Variants in DACH2 observed in about 807,000 individuals in gnomAD.
DACH2 encodes dachshund homolog 2.
Under a neutral mutation model 35.8 loss-of-function variants are expected in DACH2, and 17 were observed. The ratio of observed to expected loss-of-function variants is 0.48; its 90% CI spans 0.33 to 0.71. DACH2 has a LOEUF of 0.71. Ranked by LOEUF, DACH2 falls within the 30% of genes least tolerant of loss-of-function variation. DACH2 has a pLI of 0.02. For missense variants in DACH2, 469 were observed against 472.7 expected, an observed-to-expected ratio of 0.99 and a Z score of 0.07; for synonymous variants, 195 against 177.3, an observed-to-expected ratio of 1.10 and a Z score of -0.79.
chrX:86,403,715 A>G (rs1447275414), intron 2 of DACH2, among the ~76,000 whole-genome samples: 2 of 111,928 alleles, frequency 1.8e-5, no homozygotes, highest in African/African-American at 3.3e-5. Context: ...AAAATAAATC[A>G]TTCTGCCAGA....
intron 3 of DACH2, among the ~76,000 whole-genome samples, chrX:86,562,613 G>A (rs1367275459): frequency 9.0e-6 from 1 of 111,328 alleles, no homozygotes; most frequent in Admixed American, 9.6e-5. Context: ...ACCAAATTAA[G>A]GTTTTCTCTC....
intron 4 of DACH2, among the ~76,000 whole-genome samples, chrX:86,686,828 A>G (rs924403270): frequency 3.6e-5 from 4 of 111,905 alleles, no homozygotes; most frequent in Admixed American, 2.9e-4. Flanking sequence ...TTGTGATACA[A>G]TTCCTTCTAC....
chrX:86,713,749 A>T (rs2041304275), intron 5 of DACH2, among the ~76,000 whole-genome samples: 2 of 111,684 alleles, frequency 1.8e-5, no homozygotes, highest in Admixed American at 9.6e-5. Context: ...ATTAAGGGAT[A>T]AGTAGACAAC....
intron 4 of DACH2, among the ~76,000 whole-genome samples, chrX:86,656,911 T>C (rs1480055014): frequency 2.1e-5 from 2 of 96,416 alleles, no homozygotes; most frequent in African/African-American, 7.8e-5. Flanking sequence ...TGTTCAGCCA[T>C]AAAAATATAA....
chrX:86,203,886 A>G (rs1174872445), intron 1 of DACH2, among the ~76,000 whole-genome samples: 1 of 111,530 alleles, frequency 9.0e-6, no homozygotes, highest in Non-Finnish European at 1.9e-5. Flanking sequence ...ACGGGATTGT[A>G]ATGGGATTGT....
At chrX:86,333,450 T>A (rs1474354288) in intron 1 of DACH2, among the ~76,000 whole-genome samples, 1 of 111,473 alleles carries the variant, frequency 9.0e-6, no homozygotes, top group Non-Finnish European at 1.9e-5. Flanking sequence ...CTTCTCACAC[T>A]CTTAACAGTA....
intron 1 of DACH2, among the ~76,000 whole-genome samples, chrX:86,273,231 A>G (rs1209762566): frequency 1.8e-5 from 2 of 112,021 alleles, no homozygotes; most frequent in African/African-American, 6.5e-5. Context: ...GAATAATTAG[A>G]TATTTGTTCC....
chrX:86,769,556 G>A (rs1165978269), intron 7 of DACH2, among the ~76,000 whole-genome samples: 2 of 111,727 alleles, frequency 1.8e-5, no homozygotes, highest in African/African-American at 6.5e-5. Context: ...CTAATTTTTA[G>A]AAAAGTGCTG....
intron 6 of DACH2, among the ~76,000 whole-genome samples, chrX:86,734,594 C>T (rs1290338797): frequency 2.7e-5 from 3 of 111,247 alleles, no homozygotes; most frequent in Non-Finnish European, 5.7e-5. Context: ...GAAAACTTTG[C>T]TATATTCATC....
At chrX:86,377,386 G>A (rs1372924378) in intron 2 of DACH2, among the ~76,000 whole-genome samples, 7 of 111,226 alleles carry the variant, frequency 6.3e-5, no homozygotes. Context: ...CATTTAAATT[G>A]TTTTCTTCTA....
At chrX:86,593,530 G>T (rs1482477416) in intron 3 of DACH2, among the ~76,000 whole-genome samples, 1 of 108,967 alleles carries the variant, frequency 9.2e-6, no homozygotes, top group Non-Finnish European at 1.9e-5. Context: ...GGGTTCAAGC[G>T]ATTCTCCTGC....
intron 2 of DACH2, among the ~76,000 whole-genome samples, chrX:86,397,794 A>G (rs747548297): frequency 2.7e-5 from 3 of 111,629 alleles, no homozygotes; most frequent in South Asian, 7.5e-4. Flanking sequence ...TCGGTTTGCC[A>G]TATTATATTG....
intron 7 of DACH2, among the ~76,000 whole-genome samples, chrX:86,773,799 T>C (rs2042007547): frequency 8.9e-6 from 1 of 111,962 alleles, no homozygotes; most frequent in Admixed American, 9.5e-5. Flanking sequence ...ATCAAAGCCT[T>C]TTTGCATCAG....
At chrX:86,711,419 T>A (rs756314725) in intron 5 of DACH2, among the ~76,000 whole-genome samples, 24 of 111,847 alleles carry the variant, frequency 2.1e-4, no homozygotes, top group Admixed American at 1.0e-3. Flanking sequence ...TAAATTAAAT[T>A]AAAAAAAGAA....
chrX:86,161,384 T>C, intron 1 of DACH2: 1 of 924,551 alleles, frequency 1.1e-6, no homozygotes, highest in African/African-American at 2.0e-5. Context: ...TTACAGGTGT[T>C]AGCAGATCAA....
chrX:86,759,158 ATATT>A (rs200146522), intron 7 of DACH2, among the ~76,000 whole-genome samples: 6,563 of 110,552 alleles, frequency 0.059, 467 homozygotes, highest in African/African-American at 0.21. Context: ...TTTAAATCCA[ATATT>A]TATTTGTTCA....
chrX:86,471,630 G>A, intron 2 of DACH2, among the ~76,000 whole-genome samples: 1 of 111,343 alleles, frequency 9.0e-6, no homozygotes, highest in Non-Finnish European at 1.9e-5. Flanking sequence ...TCCTGAAATA[G>A]AGAAGAAATG....
At chrX:86,202,930 G>A (rs950266866) in intron 1 of DACH2, among the ~76,000 whole-genome samples, 2 of 111,062 alleles carry the variant, frequency 1.8e-5, no homozygotes, top group African/African-American at 6.5e-5. Context: ...TTGTCTAATC[G>A]GATTGATTAA....
chrX:86,173,682 A>T (rs976616327), intron 1 of DACH2, among the ~76,000 whole-genome samples: 2 of 112,060 alleles, frequency 1.8e-5, no homozygotes, highest in African/African-American at 6.5e-5. Flanking sequence ...AGTTGGCCAC[A>T]TGGATCCTTT....
Sources: gnomAD v4.1 joint callset for allele counts (sites outside exome capture counted in the v4.1 genomes callset) on GRCh38, gnomAD v4.1.1 for gene constraint, MANE v1.5 for transcripts, NCBI Gene and HGNC (gene_info 2026-07-23, HGNC 2026-07-21) for gene names.